Variants in CEP350 observed in about 807,000 individuals in gnomAD.
CEP350 encodes the protein centrosome-associated protein 350.
In CEP350, 126 loss-of-function variants were observed where a neutral mutation model predicts 331.8. The ratio of observed to expected loss-of-function variants is 0.38; its 90% confidence interval spans 0.33 to 0.44. The LOEUF is 0.44. Among genes scored for constraint, CEP350 ranks in the 20% least tolerant of loss-of-function variants. CEP350 has a pLI of 1.00. For synonymous variants in CEP350, 1,200 were observed against 1,259.5 expected (o/e 0.95, Z 1.00); for missense variants, 3,406 against 3,634.6 (o/e 0.94, Z 1.62).
intron 1 of CEP350, among the ~76,000 whole-genome samples, chr1:179,985,866 C>G (rs1652610817): frequency 6.6e-6 from 1 of 152,054 alleles, no homozygotes; most frequent in African/African-American, 2.4e-5. Flanking sequence ...AGAACCAAAC[C>G]ATATCATATA....
intron 22 of CEP350, chr1:180,052,172 GT>G (rs1657546874): frequency 2.2e-6 from 1 of 453,352 alleles, no homozygotes; most frequent in Admixed American, 2.4e-5. Context: ...TACAACTGTA[GT>G]AACAAGGACA....
In CEP350 at chr1:180,112,930, A is replaced by G. The variant is rs960666638; in HGVS notation, c.*1769A>G. 1.1e-4 allele frequency: 17 copies of G among 152,636 alleles called. No homozygotes were observed. The highest frequency in any genetic ancestry group is 9.8e-4 in the Admixed American group (15 of 15,282). 9.5% of individuals were successfully genotyped at this position (152,636 alleles called of 1,614,324 possible). ...ATGACTGGTATGATAGCTCTTGACA[A>G]ATAAGGAAAGCACTGAAATGTTGTG... On this transcript the variant is annotated 3_prime_UTR_variant, in exon 38 of 38. Transcript: ENST00000367607.
At chr1:179,958,239 A>G (rs1304784914) in intron 1 of CEP350, among the ~76,000 whole-genome samples, 3 of 152,130 alleles carry the variant, frequency 2.0e-5, no homozygotes, top group Non-Finnish European at 4.4e-5. Flanking sequence ...ATAAATTGAT[A>G]CCATTGGAGC....
intron 27 of CEP350, chr1:180,074,012 TGGAGGCCTCTTA>T: frequency 4.9e-6 from 5 of 1,015,508 alleles, no homozygotes; most frequent in Non-Finnish European, 6.6e-6. Context: ...TTTAATAGCC[TGGAGGCCTCTTA>T]TCAAATGTCC....
At chr1:180,092,322 G>A (rs1464805520) in intron 33 of CEP350, among the ~76,000 whole-genome samples, 1 of 152,108 alleles carries the variant, frequency 6.6e-6, no homozygotes, top group Non-Finnish European at 1.5e-5. Context: ...ATGATTTGAG[G>A]ATGAATGTGC....
At chr1:180,096,871 A>G (rs1660508377) in intron 36 of CEP350, among the ~76,000 whole-genome samples, 1 of 152,196 alleles carries the variant, frequency 6.6e-6, no homozygotes, top group Non-Finnish European at 1.5e-5. Flanking sequence ...TTTAATGTGC[A>G]TGTGAATGAT....
chr1:180,091,230 G>T (rs1156348504), intron 33 of CEP350, among the ~76,000 whole-genome samples: 3 of 151,454 alleles, frequency 2.0e-5, no homozygotes, highest in Non-Finnish European at 2.9e-5. Context: ...TGTTGCCCAG[G>T]CTGGTCTCGA....
At chr1:180,044,265 A>G in intron 21 of CEP350, 92 bp downstream of exon 21, 3 of 1,284,618 alleles carry the variant, frequency 2.3e-6, no homozygotes, top group East Asian at 2.7e-5. Flanking sequence ...AATCTTGTTT[A>G]TTTAAATAGA....
At chr1:180,084,467 C>G (rs1659742082) in intron 31 of CEP350, among the ~76,000 whole-genome samples, 1 of 152,136 alleles carries the variant, frequency 6.6e-6, no homozygotes, top group South Asian at 2.1e-4. Context: ...TGGGTTCACG[C>G]CATTCTCCTG....
At chr1:180,091,167 C>T (rs1660173237) in intron 33 of CEP350, among the ~76,000 whole-genome samples, 1 of 151,498 alleles carries the variant, frequency 6.6e-6, no homozygotes, top group South Asian at 2.1e-4. Flanking sequence ...GCACATGCCA[C>T]CATGCCCAGC....
intron 8 of CEP350, among the ~76,000 whole-genome samples, chr1:180,011,722 A>G (rs1373667393): frequency 5.3e-5 from 8 of 152,184 alleles, no homozygotes; most frequent in Non-Finnish European, 7.4e-5. Flanking sequence ...AGCATTTTAC[A>G]TTTATTTCAG....
intron 16 of CEP350, among the ~76,000 whole-genome samples, chr1:180,034,995 G>A (rs995168351): frequency 2.0e-5 from 3 of 152,192 alleles, no homozygotes; most frequent in African/African-American, 7.2e-5. Context: ...TAGCCAAGTT[G>A]TGAATGCAAA....
chr1:180,038,037 G>A (rs536995872), intron 17 of CEP350, among the ~76,000 whole-genome samples: 2 of 152,118 alleles, frequency 1.3e-5, no homozygotes, highest in Non-Finnish European at 2.9e-5. Context: ...ACCCCAGAAA[G>A]TTGACTTATG....
chr1:180,002,020 A>G (rs1045316785), intron 6 of CEP350, among the ~76,000 whole-genome samples: 2 of 152,350 alleles, frequency 1.3e-5, no homozygotes, highest in Middle Eastern at 3.4e-3. Context: ...AAAGCTGCTC[A>G]GTATCATTAG....
intron 5 of CEP350, among the ~76,000 whole-genome samples, chr1:179,994,965 C>A (rs1176893985): frequency 6.6e-6 from 1 of 152,128 alleles, no homozygotes; most frequent in Non-Finnish European, 1.5e-5. Flanking sequence ...ACCTGAAATG[C>A]CCTAGATCAG....
chr1:180,062,696 AG>A (rs1658299117), intron 26 of CEP350, among the ~76,000 whole-genome samples: 2 of 152,310 alleles, frequency 1.3e-5, no homozygotes, highest in Admixed American at 1.3e-4. Context: ...TCACATGACA[AG>A]GGGGCTGAGT....
In CEP350 at chr1:180,094,358, C is replaced by G. The variant is rs764145274; in HGVS notation, c.8253C>G (p.Ile2751Met). The change falls in exon 34 of 38, where the codon ATC becomes ATG. Residue 2751 changes from isoleucine (I) to methionine (M), a missense_variant. Ile to Met is a conservative substitution (Grantham distance 10, BLOSUM62 1). Transcript: ENST00000367607. Reference sequence around the variant, plus strand: ...AGTCAAAACAACAACTGGAAAAAATCAGCTTACTGACAGACAGTTTACTAA... The same window carrying G: ...AGTCAAAACAACAACTGGAAAAAATGAGCTTACTGACAGACAGTTTACTAA... ...EKKSKQQLEK[I>M]SLLTDSLLKV... The G allele has an allele frequency of 1.2e-6, 2 of 1,613,898 alleles. No homozygotes were observed. The highest frequency in any genetic ancestry group is 2.2e-5 in the South Asian group (2 of 91,056).
At position 180,084,050 on chromosome 1, in the gene CEP350, A is replaced by G; in HGVS notation, c.6157A>G (p.Arg2053Gly). Residue 2053 changes from arginine (R) to glycine (G), a missense_variant, in exon 31 of 38, where the codon AGG becomes GGG. By Grantham distance (125) the Arg-to-Gly change is moderately radical. This residue lies in a region of CEP350 where 1,415 missense variants were observed against 1,512.3 expected (regional missense o/e 0.94). Coordinates refer to ENST00000367607, the MANE Select transcript of CEP350 (RefSeq NM_014810.5). ...TTSDQSDIEG[R>G]IRALKDELRK... ...ATCTGACCAGAGTGATATTGAAGGT[A>G]GGATCAGAGCTCTGAAGGATGAGTT... 1 of 1,592,626 alleles carries G rather than the reference A, an allele frequency of 6.3e-7. No homozygotes were observed. Among genetic ancestry groups the G allele is most frequent in the Non-Finnish European group, 8.6e-7 (1 of 1,166,470 alleles).
chr1:180,043,945 T>C, intron 20 of CEP350, 106 bp from the exon 21 acceptor site: 1 of 958,186 alleles, frequency 1.0e-6, no homozygotes, highest in Non-Finnish European at 1.4e-6. Context: ...TATTTTATAA[T>C]ATCTATTTGT....
Sources: gnomAD v4.1 joint callset for allele counts (sites outside exome capture counted in the v4.1 genomes callset) on GRCh38, gnomAD v4.1.1 for gene constraint, gnomAD v4.1.1 regional missense constraint, MANE v1.5 for transcripts, NCBI Gene and HGNC (gene_info 2026-07-23, HGNC 2026-07-21) for gene names.